SLC8A3: variants seen among roughly 807,000 people sequenced by gnomAD.
SLC8A3 encodes sodium/calcium exchanger 3.
In SLC8A3, 37 loss-of-function variants were observed where a neutral mutation model predicts 65.4. That is an observed-to-expected ratio of 0.57 (90% CI 0.44 to 0.74). The LOEUF (loss-of-function observed/expected upper bound fraction) is 0.74. Ranked by LOEUF, SLC8A3 falls within the 30% of genes least tolerant of loss-of-function variation. The pLI is 0.00. For synonymous variants in SLC8A3, 461 were observed against 444.5 expected (o/e 1.04, Z -0.47); for missense variants, 1,112 against 1,172.1 (o/e 0.95, Z 0.75).
At position 70,044,646 on chromosome 14, in the gene SLC8A3, TTAAGAA is replaced by T. The variant is rs1478694109; in HGVS notation, c.*1295_*1300del. ...GGCTGGAAAAATAGCTTCATGAAGT[TTAAGAA>T]CAAGCAGGAACATGGGAGAAATGAG... On this transcript the variant is annotated 3_prime_UTR_variant, in exon 7 of 7. Coordinates refer to ENST00000356921, the MANE Select transcript of SLC8A3 (RefSeq NM_182932.3). 6.6e-6 allele frequency: 1 copy of T among 152,056 alleles called. No homozygotes were observed. Among genetic ancestry groups the T allele is most frequent in the East Asian group, 1.9e-4 (1 of 5,184 alleles). 9.4% of individuals were successfully genotyped at this position (152,056 alleles called of 1,614,324 possible). A position where few individuals can be genotyped will look rare whatever the true frequency, so the allele number is the denominator to read the frequency against.
chr14:70,062,042 G>A (rs1888858021), intron 2 of SLC8A3, among the ~76,000 whole-genome samples: 1 of 148,348 alleles, frequency 6.7e-6, no homozygotes, highest in Non-Finnish European at 1.5e-5. Flanking sequence ...AATCACAATG[G>A]TGGCTAGCAG....
At chr14:70,053,960 T>C (rs888546257) in intron 3 of SLC8A3, among the ~76,000 whole-genome samples, 13 of 152,260 alleles carry the variant, frequency 8.5e-5, no homozygotes, top group African/African-American at 3.1e-4. Flanking sequence ...ATTATAAGTC[T>C]TCAATTTAGA....
chr14:70,118,917 T>C (rs1456751239), intron 2 of SLC8A3, among the ~76,000 whole-genome samples: 1 of 152,178 alleles, frequency 6.6e-6, no homozygotes, highest in Admixed American at 6.5e-5. Context: ...GATTGTTCTT[T>C]CATGAAATAC....
intron 2 of SLC8A3, among the ~76,000 whole-genome samples, chr14:70,109,266 C>T (rs1406714095): frequency 6.9e-6 from 1 of 143,986 alleles, no homozygotes. Context: ...CATAGGTATA[C>T]ATGTGCTGAA....
chr14:70,157,667 C>T (rs1896652300), intron 2 of SLC8A3, among the ~76,000 whole-genome samples: 2 of 152,166 alleles, frequency 1.3e-5, no homozygotes, highest in Non-Finnish European at 1.5e-5. Context: ...GGAGGGAGAG[C>T]ACTGGAGACA....
chr14:70,161,613 A>C (rs1365172087), intron 2 of SLC8A3, among the ~76,000 whole-genome samples: 2 of 151,982 alleles, frequency 1.3e-5, no homozygotes, highest in African/African-American at 2.4e-5. Flanking sequence ...GAGAGATGTC[A>C]CCACCTCTAC....
intron 2 of SLC8A3, among the ~76,000 whole-genome samples, chr14:70,079,225 T>C (rs1890811516): frequency 6.6e-6 from 1 of 151,150 alleles, no homozygotes; most frequent in Admixed American, 6.6e-5. Flanking sequence ...AGCTCACACC[T>C]GTAACCACAG....
At chr14:70,131,783 T>C (rs959592878) in intron 2 of SLC8A3, among the ~76,000 whole-genome samples, 3 of 152,020 alleles carry the variant, frequency 2.0e-5, no homozygotes, top group Non-Finnish European at 4.4e-5. Flanking sequence ...TCAGGGACAT[T>C]AGAAAAACAA....
At chr14:70,180,869 A>G (rs1594822266) in intron 1 of SLC8A3, among the ~76,000 whole-genome samples, 4 of 152,288 alleles carry the variant, frequency 2.6e-5, no homozygotes, top group Admixed American at 2.6e-4. Context: ...AGGCACTCTA[A>G]CCAGTTTAGG....
intron 2 of SLC8A3, among the ~76,000 whole-genome samples, chr14:70,153,026 T>C (rs1252964153): frequency 6.6e-6 from 1 of 152,104 alleles, no homozygotes; most frequent in Non-Finnish European, 1.5e-5. Context: ...CGTCAGGCTG[T>C]GGAGAGGCTC....
chr14:70,159,244 A>C (rs1896744307), intron 2 of SLC8A3, among the ~76,000 whole-genome samples: 1 of 152,092 alleles, frequency 6.6e-6, no homozygotes, highest in Admixed American at 6.5e-5. Flanking sequence ...CCCCGTCTCT[A>C]CTAAAAATAC....
intron 2 of SLC8A3, among the ~76,000 whole-genome samples, chr14:70,163,283 T>C (rs543613316): frequency 1.3e-5 from 2 of 152,360 alleles, no homozygotes; most frequent in African/African-American, 4.8e-5. Flanking sequence ...TGTTAAAAGT[T>C]ACTGGTAAGT....
chr14:70,162,664 G>C (rs187798950), intron 2 of SLC8A3, among the ~76,000 whole-genome samples: 30 of 152,318 alleles, frequency 2.0e-4, no homozygotes, highest in African/African-American at 6.7e-4. Flanking sequence ...AGTGAAATTA[G>C]TGTGCGGGCA....
intron 2 of SLC8A3, among the ~76,000 whole-genome samples, chr14:70,148,953 T>G (rs1896100780): frequency 6.6e-6 from 1 of 152,134 alleles, no homozygotes; most frequent in Admixed American, 6.5e-5. Context: ...ATGGCAAATT[T>G]CAGTTAAGGG....
chr14:70,167,783 A>G lies in SLC8A3; in HGVS notation c.640T>C (p.Tyr214His), dbSNP rs200943424. The change falls in exon 2 of 7, where the codon TAC becomes CAC. Residue 214 changes from tyrosine to histidine, a missense_variant. Transcript: ENST00000356921. ...GCCAGAATCATATAGAGCCAGATGT[A>G]GGCAAAGATACTCCAAGCAGCGGTG... ...FITAAWSIFA[Y>H]IWLYMILAVF... The G allele has an allele frequency of 5.7e-5, 92 of 1,614,210 alleles. No homozygotes were observed. Among genetic ancestry groups the G allele is most frequent in the Middle Eastern group, 3.3e-4 (2 of 6,062 alleles).
intron 2 of SLC8A3, among the ~76,000 whole-genome samples, chr14:70,149,928 T>C (rs192212977): frequency 6.6e-6 from 1 of 152,196 alleles, no homozygotes; most frequent in Non-Finnish European, 1.5e-5. Context: ...GCCTGTCATG[T>C]TCCCTGACAT....
intron 2 of SLC8A3, among the ~76,000 whole-genome samples, chr14:70,093,017 C>T (rs897324649): frequency 9.9e-5 from 15 of 152,136 alleles, no homozygotes; most frequent in Non-Finnish European, 1.9e-4. Flanking sequence ...AGTTCAAAGC[C>T]TGAAATTGTA....
At chr14:70,110,669 CTT>C (rs1893231126) in intron 2 of SLC8A3, among the ~76,000 whole-genome samples, 2 of 118,228 alleles carry the variant, frequency 1.7e-5, no homozygotes, top group Non-Finnish European at 1.6e-5. Flanking sequence ...GCAGATACCT[CTT>C]TCTTTTTTTT....
chr14:70,174,854 T>A (rs888581343), intron 1 of SLC8A3, among the ~76,000 whole-genome samples: 1 of 152,172 alleles, frequency 6.6e-6, no homozygotes, highest in East Asian at 1.9e-4. Context: ...TTTCTTCTGC[T>A]GCTCTAAGCG....
Sources: gnomAD v4.1 joint callset for allele counts (sites outside exome capture counted in the v4.1 genomes callset) on GRCh38, gnomAD v4.1.1 for gene constraint, MANE v1.5 for transcripts, NCBI Gene and HGNC (gene_info 2026-07-23, HGNC 2026-07-21) for gene names.